EFNB2: variants seen among roughly 807,000 people sequenced by gnomAD.
EFNB2 encodes ephrin B2, also known as ephrin-B2.
Under a neutral mutation model 32.1 loss-of-function variants are expected in EFNB2, and 5 were observed. The observed-to-expected ratio is 0.16, with a 90% CI of 0.08 to 0.33. EFNB2 has a LOEUF of 0.33. Among genes scored for constraint, EFNB2 ranks in the 10% least tolerant of loss-of-function variants. The probability of loss-of-function intolerance (pLI) is 1.00; values close to 1 mark genes in which losing one functional copy is unlikely to be tolerated. For missense variants in EFNB2, 263 were observed against 422.6 expected, an observed-to-expected ratio of 0.62 and a Z score of 3.31; for synonymous variants, 168 against 166.5, an observed-to-expected ratio of 1.01 and a Z score of -0.07.
At chr13:106,499,020 A>G (rs991712193) in intron 2 of EFNB2, among the ~76,000 whole-genome samples, 2 of 152,194 alleles carry the variant, frequency 1.3e-5, no homozygotes, top group Non-Finnish European at 2.9e-5. Flanking sequence ...GATTTTTGCC[A>G]TGAGTTAGAA....
chr13:106,526,100 T>G (rs1303110829), intron 1 of EFNB2, among the ~76,000 whole-genome samples: 3 of 152,128 alleles, frequency 2.0e-5, no homozygotes, highest in Non-Finnish European at 2.9e-5. Context: ...AATCAGGAAC[T>G]CTGGGGGTGG....
intron 1 of EFNB2, among the ~76,000 whole-genome samples, chr13:106,532,067 C>A (rs942332): frequency 0.13 from 4,741 of 37,646 alleles, 283 homozygotes; most frequent in African/African-American, 0.29. Flanking sequence ...AAAAAAAAAA[C>A]AAAAAAAAAA....
At chr13:106,508,309 A>G (rs1879026188) in intron 2 of EFNB2, among the ~76,000 whole-genome samples, 1 of 152,214 alleles carries the variant, frequency 6.6e-6, no homozygotes, top group South Asian at 2.1e-4. Context: ...TTCCCTTGAA[A>G]ATAGGCAATT....
chr13:106,525,978 A>C (rs1000243634), intron 1 of EFNB2, among the ~76,000 whole-genome samples: 1 of 152,124 alleles, frequency 6.6e-6, no homozygotes, highest in African/African-American at 2.4e-5. Flanking sequence ...GTTTTCCCAG[A>C]AAGGTTTGTG....
intron 1 of EFNB2, chr13:106,519,026 T>C (rs1879410648): frequency 6.6e-6 from 1 of 152,154 alleles, no homozygotes; most frequent in Admixed American, 6.5e-5. Flanking sequence ...TGGAAGGATA[T>C]GCCAAAGTTT....
At chr13:106,519,801 G>C (rs972849426) in intron 1 of EFNB2, 4 of 152,142 alleles carry the variant, frequency 2.6e-5, no homozygotes, top group Non-Finnish European at 4.4e-5. Context: ...TTTGTGATAA[G>C]ATTAAAACAT....
chr13:106,504,544 A>T (rs1267939838), intron 2 of EFNB2, among the ~76,000 whole-genome samples: 1 of 152,196 alleles, frequency 6.6e-6, no homozygotes, highest in Non-Finnish European at 1.5e-5. Context: ...CGTCCAGGGG[A>T]CATGTTCTAT....
In EFNB2 at chr13:106,535,525, C is replaced by T. The variant is rs1418353267; in HGVS notation, c.-561G>A. The T allele has an allele frequency of 6.7e-6, 1 of 149,686 alleles. No individual in the cohort carries two copies. Among genetic ancestry groups the T allele is most frequent in the Non-Finnish European group, 1.5e-5 (1 of 67,136 alleles). The allele number at this position is 149,686 out of a possible 1,614,324, so 9.3% of individuals were successfully genotyped here. A position where few individuals can be genotyped will look rare whatever the true frequency, so the allele number is the denominator to read the frequency against. ...TCCGCGCGGCTCCCGGCCCCCAGGG[C>T]AGGAAAGAGGGAGCTCGGTCCCCGC... is the stretch of plus-strand genomic sequence containing the variant. On this transcript the variant is annotated 5_prime_UTR_variant, in exon 1 of 5. Transcript: ENST00000646441.
In EFNB2 at chr13:106,493,061, C is replaced by T. The variant is rs200969432; in HGVS notation, c.981G>A (p.Ala327=). 1.9e-5 allele frequency: 30 copies of T among 1,611,660 alleles called. No homozygotes were observed. In the East Asian group the frequency reaches 2.0e-4, roughly 11 times the overall value. ...IVQEMPPQSP[A]NIYYKV ...CCTCTCAGACCTTGTAGTAAATGTT[C>T]GCCGGGCTCTGCGGGGGCATCTCCT... Residue 327 remains alanine, a synonymous_variant, in exon 5 of 5, where the codon GCG becomes GCA. Transcript: ENST00000646441. This position sits in a 1 kb window ranked among gnomAD's most constrained non-coding sequence, Gnocchi z 6.1.
At chr13:106,533,858 T>TACTG in intron 1 of EFNB2, among the ~76,000 whole-genome samples, 1 of 152,320 alleles carries the variant, frequency 6.6e-6, no homozygotes, top group Admixed American at 6.5e-5. Context: ...GGATACACAG[T>TACTG]ACTGAATACC....
At chr13:106,506,249 C>A (rs1169094047) in intron 2 of EFNB2, 2 of 152,156 alleles carry the variant, frequency 1.3e-5, no homozygotes, top group Non-Finnish European at 2.9e-5. Context: ...GACACATTTT[C>A]TTCTCTGGAA....
chr13:106,527,204 G>C (rs964626425), intron 1 of EFNB2, among the ~76,000 whole-genome samples: 3 of 151,560 alleles, frequency 2.0e-5, no homozygotes, highest in Non-Finnish European at 4.4e-5. Context: ...TACAAAAACT[G>C]TAATTAAAAT....
chr13:106,508,393 T>C (rs1047067117), intron 2 of EFNB2, among the ~76,000 whole-genome samples: 20 of 152,114 alleles, frequency 1.3e-4, no homozygotes, highest in African/African-American at 4.6e-4. Flanking sequence ...TTAGGTAAAT[T>C]AGCTACTCTA....
intron 1 of EFNB2, among the ~76,000 whole-genome samples, chr13:106,525,907 C>T (rs1418866356): frequency 6.6e-6 from 1 of 152,208 alleles, no homozygotes; most frequent in Admixed American, 6.5e-5. Flanking sequence ...CTGATGCTCC[C>T]CCAACAAGGC....
chr13:106,530,239 C>A (rs982421002), intron 1 of EFNB2, among the ~76,000 whole-genome samples: 1 of 152,114 alleles, frequency 6.6e-6, no homozygotes, highest in Non-Finnish European at 1.5e-5. Context: ...TTCTTATATT[C>A]CTCCCCCAGC....
chr13:106,498,426 T>TC (rs1282920780), intron 2 of EFNB2, among the ~76,000 whole-genome samples: 1 of 152,226 alleles, frequency 6.6e-6, no homozygotes, highest in East Asian at 1.9e-4. Context: ...GATTTTTTTT[T>TC]CTTTTAATTT....
At chr13:106,504,164 T>A (rs1476652116) in intron 2 of EFNB2, among the ~76,000 whole-genome samples, 1 of 151,932 alleles carries the variant, frequency 6.6e-6, no homozygotes, top group Non-Finnish European at 1.5e-5. Context: ...AGGGTCAGAG[T>A]AAAAAGTTCA....
rs1878498958 is a variant in EFNB2 at position 106,493,796 on chromosome 13, T to A, written c.614-368A>T. 6.6e-6 allele frequency among the ~76,000 whole-genome samples: 1 copy of A among 152,050 alleles called. No homozygotes were observed. The highest frequency in any genetic ancestry group is 1.5e-5 in the Non-Finnish European group (1 of 68,016). ...CAATTCTCCAGGTCAGCGGTGAGCG[T>A]TTATGTGGTATTGCTCTTCCGCCTC... is the stretch of plus-strand genomic sequence containing the variant. On this transcript the variant is annotated intron_variant, in intron 4 of 4. Coordinates refer to ENST00000646441, the MANE Select transcript of EFNB2 (RefSeq NM_004093.4). The surrounding 1 kb of genome is among the most constrained non-coding windows in gnomAD (Gnocchi z 6.1).
rs753716311 is a variant in EFNB2, at chr13:106,495,831, T to C, written c.416A>G (p.Asn139Ser). 6.2e-7 allele frequency: 1 copy of C among 1,613,534 alleles called. No individual in the cohort carries two copies. The highest frequency in any genetic ancestry group is 1.7e-5 in the Admixed American group (1 of 59,880). Residue 139 changes from asparagine to serine, a missense_variant, in exon 3 of 5, where the codon AAT becomes AGT. By Grantham distance (46) the Asn-to-Ser change is conservative. Around this residue, in one of 3 missense-constraint regions of EFNB2, gnomAD observed 45 missense variants for 128.6 expected, o/e 0.35. Transcript: ENST00000646441. Reference protein sequence around the residue: ...NKDYYIISTSNGSLEGLDNQE... With the variant: ...NKDYYIISTSSGSLEGLDNQE... ...GTTATCCAGGCCCTCCAAAGACCCA[T>C]TTGATGTAGCTGATTAAAAATAAAA...
Sources: gnomAD v4.1 joint callset for allele counts (sites outside exome capture counted in the v4.1 genomes callset) on GRCh38, gnomAD v4.1.1 for gene constraint, gnomAD v4.1.1 regional missense constraint, Gnocchi (gnomAD v3.1) non-coding constraint, MANE v1.5 for transcripts, NCBI Gene and HGNC (gene_info 2026-07-23, HGNC 2026-07-21) for gene names.